ST18: variants seen among roughly 807,000 people sequenced by gnomAD.
ST18 encodes the protein suppression of tumorigenicity 18 protein.
A neutral mutation model predicts 110.0 loss-of-function variants in ST18; 50 were observed. The observed-to-expected ratio is 0.45, with a 90% CI of 0.36 to 0.58. The LOEUF is 0.58. Ranked by LOEUF, ST18 falls within the 20% of genes least tolerant of loss-of-function variation. ST18 has a pLI of 0.00. For synonymous variants in ST18, 461 were observed against 452.4 expected (o/e 1.02, Z -0.24); for missense variants, 1,306 against 1,280.1 (o/e 1.02, Z -0.31).
At chr8:52,214,697 T>C (rs779974751) in intron 6 of ST18, among the ~76,000 whole-genome samples, 6 of 152,072 alleles carry the variant, frequency 3.9e-5, no homozygotes, top group Non-Finnish European at 8.8e-5. Context: ...AAAAAATGAT[T>C]CCTCGTGTAA....
chr8:52,285,786 C>G (rs1311285170), intron 2 of ST18, among the ~76,000 whole-genome samples: 1 of 152,218 alleles, frequency 6.6e-6, no homozygotes, highest in East Asian at 1.9e-4. Flanking sequence ...TTCAATGGCT[C>G]TTTCCCAGGA....
At chr8:52,266,393 G>T (rs1475096607) in intron 2 of ST18, among the ~76,000 whole-genome samples, 2 of 152,106 alleles carry the variant, frequency 1.3e-5, no homozygotes, top group Admixed American at 1.3e-4. Flanking sequence ...AGGACAAACT[G>T]CTAGTGAAAT....
chr8:52,204,084 A>T (rs1368106781), intron 8 of ST18, among the ~76,000 whole-genome samples: 2 of 152,278 alleles, frequency 1.3e-5, no homozygotes, highest in East Asian at 3.9e-4. Flanking sequence ...TTGATTTCAA[A>T]CACTTCTAAG....
chr8:52,388,235 G>C (rs1454876244), intron 2 of ST18, among the ~76,000 whole-genome samples: 1 of 152,026 alleles, frequency 6.6e-6, no homozygotes, highest in African/African-American at 2.4e-5. Context: ...ATGTGCACCC[G>C]GCTGAGCAGG....
intron 2 of ST18, among the ~76,000 whole-genome samples, chr8:52,380,211 A>G (rs1047011907): frequency 2.6e-5 from 4 of 152,246 alleles, no homozygotes; most frequent in Non-Finnish European, 4.4e-5. Context: ...CAGACAAATC[A>G]TCTTGCAAAC....
chr8:52,137,574 T>C, intron 17 of ST18, 91 bp from the exon 18 acceptor site: 3 of 1,291,826 alleles, frequency 2.3e-6, no homozygotes, highest in Non-Finnish European at 2.2e-6. Context: ...GTAGCTTCTC[T>C]GTGCGAGATA....
chr8:52,408,707 C>T (rs918444240), intron 2 of ST18, among the ~76,000 whole-genome samples: 11 of 152,214 alleles, frequency 7.2e-5, no homozygotes, highest in African/African-American at 2.7e-4. Flanking sequence ...TGTTCATTTT[C>T]AGTGACCTAA....
chr8:52,125,509 G>A (rs756911083), intron 23 of ST18, among the ~76,000 whole-genome samples: 11 of 151,974 alleles, frequency 7.2e-5, no homozygotes, highest in Non-Finnish European at 1.5e-4. Context: ...TTAGAGATAG[G>A]GCCTCTCGCA....
chr8:52,359,498 G>A (rs1015205290), intron 2 of ST18, among the ~76,000 whole-genome samples: 6 of 152,074 alleles, frequency 3.9e-5, no homozygotes, highest in East Asian at 1.9e-4. Context: ...AATAACTAAC[G>A]TGTTGAAAAC....
chr8:52,375,049 C>A (rs559249201), intron 2 of ST18, among the ~76,000 whole-genome samples: 17 of 152,188 alleles, frequency 1.1e-4, no homozygotes, highest in African/African-American at 4.1e-4. Context: ...CAAATCAATC[C>A]TCTTCAACTT....
At chr8:52,302,310 T>C (rs754609608) in intron 2 of ST18, among the ~76,000 whole-genome samples, 6 of 152,182 alleles carry the variant, frequency 3.9e-5, no homozygotes, top group Non-Finnish European at 8.8e-5. Flanking sequence ...GGACTGGAAT[T>C]GGAGGTATAG....
At chr8:52,162,201 A>C (rs1434933728) in intron 13 of ST18, among the ~76,000 whole-genome samples, 1 of 151,956 alleles carries the variant, frequency 6.6e-6, no homozygotes, top group African/African-American at 2.4e-5. Context: ...ACAGAGCAAG[A>C]CTCCATCTCA....
At chr8:52,271,307 C>G (rs879657800) in intron 2 of ST18, among the ~76,000 whole-genome samples, 3 of 152,134 alleles carry the variant, frequency 2.0e-5, no homozygotes, top group Non-Finnish European at 4.4e-5. Context: ...ACAGTGGTAC[C>G]AATGCACACT....
At chr8:52,139,517 G>C (rs576576430) in intron 17 of ST18, among the ~76,000 whole-genome samples, 1 of 151,626 alleles carries the variant, frequency 6.6e-6, no homozygotes, top group African/African-American at 2.4e-5. Flanking sequence ...CACCATGCCC[G>C]ACTAATTTTT....
Position 52,116,467 on chromosome 8 carries a change from T to A in ST18, c.2860-49A>T, listed in dbSNP as rs375870926. ...TGTGAGTAGTGGAGTTTGGAAGGAG[T>A]GTAAAAGGTTTCTCCCTGAAGGAAA... On this transcript the variant is annotated intron_variant, in intron 24 of 25. Coordinates refer to ENST00000689386, the MANE Select transcript of ST18 (RefSeq NM_001352837.2). 6 of 1,565,612 alleles carry A rather than the reference T, an allele frequency of 3.8e-6. No homozygotes were observed. The South Asian group carries it at 7.1e-5, about 19-fold the overall frequency.
At chr8:52,404,547 C>T (rs1843797043) in intron 2 of ST18, 1 of 152,228 alleles carries the variant, frequency 6.6e-6, no homozygotes, top group Admixed American at 6.5e-5. Flanking sequence ...CAGATGTAAC[C>T]CAAACACCCA....
At chr8:52,252,163 A>G (rs2094343043) in intron 2 of ST18, among the ~76,000 whole-genome samples, 1 of 152,088 alleles carries the variant, frequency 6.6e-6, no homozygotes, top group South Asian at 2.1e-4. Flanking sequence ...AACTGGAAAC[A>G]TTCATTAACA....
At position 52,223,311 on chromosome 8, in the gene ST18, T is replaced by C. The variant is rs148757637; in HGVS notation, c.-418-1518A>G. Among the ~76,000 whole-genome samples, 100 of 152,350 alleles carry C rather than the reference T, an allele frequency of 6.6e-4. No individual in the cohort carries two copies. The East Asian group carries it at 0.019, about 29-fold the overall frequency. ...TGACCTAAACTGATAATGATATACA[T>C]GTTAATTGTATCCCCAAAGTAGAGA... On this transcript the variant is annotated intron_variant, in intron 3 of 25. Transcript: ENST00000689386.
At position 52,159,351 on chromosome 8, in the gene ST18, GCTT is replaced by G. The variant is rs563515126; in HGVS notation, c.1595-245_1595-243del. ...ATTCTCTTAATATTTTTGTATTTACGCTTCTTATGACAAAAACTCCATAACTAA... is the reference window on the plus strand; with the variant it reads ...ATTCTCTTAATATTTTTGTATTTACGCTTATGACAAAAACTCCATAACTAA... On this transcript the variant is annotated intron_variant, in intron 14 of 25. Transcript: ENST00000689386. Among the ~76,000 whole-genome samples, 472 of 152,088 alleles carry G rather than the reference GCTT, an allele frequency of 3.1e-3. 3 individuals are homozygous for G. Among genetic ancestry groups the G allele is most frequent in the African/African-American group, 0.011 (436 of 41,482 alleles).
Sources: allele counts gnomAD v4.1 joint callset (sites outside exome capture counted in the v4.1 genomes callset), GRCh38; gene constraint gnomAD v4.1.1; transcripts MANE v1.5; gene names NCBI Gene and HGNC (gene_info 2026-07-23, HGNC 2026-07-21).